Variants in BAZ1B observed in about 807,000 individuals in gnomAD.
The protein encoded by BAZ1B is tyrosine-protein kinase BAZ1B.
A neutral mutation model predicts 153.8 loss-of-function variants in BAZ1B; 22 were observed. The observed-to-expected ratio is 0.14, with a 90% confidence interval of 0.10 to 0.20. BAZ1B has a LOEUF of 0.20. Among genes scored for constraint, BAZ1B ranks in the 10% least tolerant of loss-of-function variants. The pLI is 1.00. For missense variants in BAZ1B, 1,325 were observed against 1,799.3 expected (o/e 0.74, Z 4.77); for synonymous variants, 676 against 633.4 (o/e 1.07, Z -1.01).
intron 2 of BAZ1B, 143 bp from the exon 3 acceptor site, chr7:73,508,614 C>G (rs1790443093): frequency 1.0e-6 from 1 of 959,810 alleles, no homozygotes. Flanking sequence ...AGTGCAGTGG[C>G]ACAATCATAG....
Position 73,470,358 on chromosome 7 carries a change from G to T in BAZ1B, c.2719C>A (p.Arg907=), listed in dbSNP as rs782104815. ...VMRRTPIGTD[R]NHNRYWLFSD... is the part of the protein sequence containing the mutation. ...TTAGGAACTGACCTATTATGGTTTC[G>T]ATCTGTGCCAATAGGAGTCCTGCGC... is the stretch of plus-strand genomic sequence containing the variant. Residue 907 remains arginine, a synonymous_variant, in exon 8 of 20, where the codon CGA becomes AGA. Transcript: ENST00000339594. 2 of 1,612,646 alleles carry T rather than the reference G, an allele frequency of 1.2e-6. No individual in the cohort carries two copies. The highest frequency in any genetic ancestry group is 1.7e-5 in the Admixed American group (1 of 59,654).
At position 73,483,471 on chromosome 7, in the gene BAZ1B, A is replaced by G. The variant is rs1374872334; in HGVS notation, c.892-4902T>C. ...AAATAGTGGGCTTTTCTCAATTTCC[A>G]CATGCCTTTATTAGCAAGTTTGCAA... On this transcript the variant is annotated intron_variant, in intron 6 of 19. Transcript: ENST00000339594. Among the ~76,000 whole-genome samples, 3 of 152,334 alleles carry G rather than the reference A, an allele frequency of 2.0e-5. No homozygotes were observed. The East Asian group carries it at 5.8e-4, about 29-fold the overall frequency.
intron 5 of BAZ1B, among the ~76,000 whole-genome samples, chr7:73,492,202 G>A (rs896573845): frequency 2.0e-5 from 3 of 151,306 alleles, no homozygotes; most frequent in African/African-American, 4.9e-5. Flanking sequence ...TTGCTCTATC[G>A]CCCAGGCTGG....
At chr7:73,460,153 T>G (rs533502677) in intron 12 of BAZ1B, among the ~76,000 whole-genome samples, 1 of 141,316 alleles carries the variant, frequency 7.1e-6, no homozygotes, top group East Asian at 2.1e-4. Flanking sequence ...CGTGCTACTG[T>G]ACTCCAGTCT....
rs1554573375 is a variant in BAZ1B, at chr7:73,479,402, G to A, written c.892-833C>T. On this transcript the variant is annotated intron_variant, in intron 6 of 19. Transcript: ENST00000339594. ...CACATGCCTGTCACCCCAGCTACTC[G>A]GGAGGCTGAGGCTCGAAATTGCTTG... Among the ~76,000 whole-genome samples, 8 of 151,552 alleles carry A rather than the reference G, an allele frequency of 5.3e-5. 2 individuals are homozygous for A.
intron 2 of BAZ1B, among the ~76,000 whole-genome samples, chr7:73,509,946 G>T (rs1386539300): frequency 6.6e-6 from 1 of 151,730 alleles, no homozygotes; most frequent in Non-Finnish European, 1.5e-5. Flanking sequence ...GGCTAACATG[G>T]TGAAACCCCA....
At chr7:73,462,581 G>A in intron 12 of BAZ1B, 1 of 298,098 alleles carries the variant, frequency 3.4e-6, no homozygotes, top group Non-Finnish European at 6.4e-6. Flanking sequence ...GGATATGCAA[G>A]CATGTTTCAC....
At chr7:73,482,557 T>C (rs1205791096) in intron 6 of BAZ1B, among the ~76,000 whole-genome samples, 3 of 152,246 alleles carry the variant, frequency 2.0e-5, no homozygotes, top group African/African-American at 7.2e-5. Flanking sequence ...GCATTTTAAA[T>C]AGGTATGTTT....
At chr7:73,501,488 G>T (rs1790131526) in intron 3 of BAZ1B, among the ~76,000 whole-genome samples, 1 of 152,028 alleles carries the variant, frequency 6.6e-6, no homozygotes, top group South Asian at 2.1e-4. Flanking sequence ...CTTTCCCCGA[G>T]ACATATGGCA....
intron 13 of BAZ1B, among the ~76,000 whole-genome samples, chr7:73,452,158 T>A (rs1554568367): frequency 2.0e-5 from 3 of 152,230 alleles, no homozygotes; most frequent in Admixed American, 6.5e-5. Context: ...CCTCGTTTTT[T>A]TAAAAAACAG....
chr7:73,519,564 A>T (rs1563409159), intron 1 of BAZ1B, among the ~76,000 whole-genome samples: 1 of 152,230 alleles, frequency 6.6e-6, no homozygotes, highest in Non-Finnish European at 1.5e-5. Flanking sequence ...ATGTTTATTA[A>T]ATACATACCA....
intron 3 of BAZ1B, among the ~76,000 whole-genome samples, chr7:73,503,545 T>A (rs1204104186): frequency 6.6e-6 from 1 of 152,140 alleles, no homozygotes; most frequent in East Asian, 1.9e-4. Flanking sequence ...GGCCAATTTT[T>A]ATTATTTTTT....
Position 73,440,594 on chromosome 7 carries a change from CA to C in BAZ1B, c.*1114del. ...ACAAGAACAGACTGGATGTAGGAGGCAGGGGAAGCTGGCGGTGGTGGGGTTA... is the reference window on the plus strand; with the variant it reads ...ACAAGAACAGACTGGATGTAGGAGGCGGGGAAGCTGGCGGTGGTGGGGTTA... On this transcript the variant is annotated 3_prime_UTR_variant, in exon 20 of 20. Transcript: ENST00000339594. The C allele has an allele frequency of 6.6e-6, 1 of 151,916 alleles. No homozygotes were observed. The highest frequency in any genetic ancestry group is 1.5e-5 in the Non-Finnish European group (1 of 67,976). The allele number at this position is 151,916 out of a possible 1,614,324, so 9.4% of individuals were successfully genotyped here. A position where few individuals can be genotyped will look rare whatever the true frequency, so the allele number is the denominator to read the frequency against.
At chr7:73,454,557 G>A (rs547057686) in intron 13 of BAZ1B, among the ~76,000 whole-genome samples, 1 of 152,302 alleles carries the variant, frequency 6.6e-6, no homozygotes, top group East Asian at 1.9e-4. Context: ...GCTTTGGAAA[G>A]GACAGCAGAC....
intron 3 of BAZ1B, among the ~76,000 whole-genome samples, chr7:73,503,715 G>A (rs1790226752): frequency 6.6e-6 from 1 of 151,942 alleles, no homozygotes; most frequent in South Asian, 2.1e-4. Flanking sequence ...TTGCAGATGT[G>A]TGCAAAATAT....
intron 13 of BAZ1B, among the ~76,000 whole-genome samples, chr7:73,457,565 T>C (rs1175020013): frequency 6.6e-6 from 1 of 152,294 alleles, no homozygotes; most frequent in East Asian, 1.9e-4. Context: ...ATCAACAAAA[T>C]GTGGTACATA....
At chr7:73,498,942 T>C (rs533010444) in intron 3 of BAZ1B, among the ~76,000 whole-genome samples, 2 of 152,296 alleles carry the variant, frequency 1.3e-5, no homozygotes, top group Admixed American at 6.5e-5. Flanking sequence ...AAAATGCCAA[T>C]ATACAAGGCC....
At chr7:73,521,760 C>G (rs2115651034) in intron 1 of BAZ1B, 67 bp downstream of exon 1, 1 of 1,351,950 alleles carries the variant, frequency 7.4e-7, no homozygotes, top group Non-Finnish European at 9.9e-7. Context: ...GACCTGGTCT[C>G]GCGAGCCCCA....
At chr7:73,501,538 T>C (rs577603468) in intron 3 of BAZ1B, among the ~76,000 whole-genome samples, 11 of 152,282 alleles carry the variant, frequency 7.2e-5, no homozygotes, top group South Asian at 4.1e-4. Flanking sequence ...TACTGGCATC[T>C]AGTGGATAGA....
Sources: gnomAD v4.1 joint callset for allele counts (sites outside exome capture counted in the v4.1 genomes callset) on GRCh38, gnomAD v4.1.1 for gene constraint, MANE v1.5 for transcripts, NCBI Gene and HGNC (gene_info 2026-07-23, HGNC 2026-07-21) for gene names.